EVL: variants seen among roughly 807,000 people sequenced by gnomAD.
The protein encoded by EVL is ena/VASP-like protein.
EVL carries 21 observed loss-of-function variants against 59.6 expected under a neutral mutation model. The ratio of observed to expected loss-of-function variants is 0.35; its 90% CI spans 0.25 to 0.51. The LOEUF (loss-of-function observed/expected upper bound fraction) is 0.51, where lower values mean the gene tolerates loss of function less well. Among genes scored for constraint, EVL ranks in the 20% least tolerant of loss-of-function variants. EVL has a pLI of 0.97. For synonymous variants in EVL, 198 were observed against 203.5 expected (o/e 0.97, Z 0.23); for missense variants, 462 against 546.6 (o/e 0.85, Z 1.54).
chr14:100,051,932 T>C (rs1407744649), intron 1 of EVL, among the ~76,000 whole-genome samples: 2 of 152,212 alleles, frequency 1.3e-5, no homozygotes, highest in African/African-American at 4.8e-5. Context: ...CCTTCCACAT[T>C]TTACGATCTT....
At chr14:100,065,343 T>G (rs559601400), upstream of EVL, 14 of 731,480 alleles carry the variant, frequency 1.9e-5, no homozygotes, top group East Asian at 3.4e-4. Context: ...TTGTTTCCCC[T>G]TTGTCTCTGG....
In EVL at chr14:100,141,736, G is replaced by A; in HGVS notation, c.1162G>A (p.Glu388Lys). ...DAFDLDRMKQ[E>K]ILEEVVRELH... ...CACCTGGACACTCCTCTCCCAACAGGAGATCCTAGAGGAGGTGGTGAGAGA... is the reference window on the plus strand; with the variant it reads ...CACCTGGACACTCCTCTCCCAACAGAAGATCCTAGAGGAGGTGGTGAGAGA... The change falls in exon 13 of 14, where the codon GAG becomes AAG. Residue 388 changes from glutamate (E) to lysine (K), a missense_variant and splice_region_variant. By Grantham distance (56) the Glu-to-Lys change is moderately conservative (BLOSUM62 1). Transcript: ENST00000392920. 1 of 1,613,430 alleles carries A rather than the reference G, an allele frequency of 6.2e-7. No homozygotes were observed. Among genetic ancestry groups the A allele is most frequent in the Non-Finnish European group, 8.5e-7 (1 of 1,179,850 alleles).
At chr14:100,013,384 G>T (rs952791793) in intron 1 of EVL, among the ~76,000 whole-genome samples, 2 of 152,232 alleles carry the variant, frequency 1.3e-5, no homozygotes, top group African/African-American at 4.8e-5. Flanking sequence ...ATTGATTGTG[G>T]TTAATGTGTG....
At chr14:100,040,331 C>T (rs552486041) in intron 1 of EVL, among the ~76,000 whole-genome samples, 217 of 152,324 alleles carry the variant, frequency 1.4e-3, no homozygotes, top group African/African-American at 4.8e-3. Context: ...CTCTTCCCCT[C>T]GCCCTGTATC....
At chr14:100,030,410 C>G (rs2061295901) in intron 1 of EVL, among the ~76,000 whole-genome samples, 1 of 152,112 alleles carries the variant, frequency 6.6e-6, no homozygotes, top group African/African-American at 2.4e-5. Context: ...CCGAGATTAC[C>G]TCTATAAAGC....
At chr14:100,066,384 A>G (rs925594050) in intron 1 of EVL, 1 of 152,236 alleles carries the variant, frequency 6.6e-6, no homozygotes, top group Non-Finnish European at 1.5e-5. Flanking sequence ...GGTTTGTCCA[A>G]GGTCACATGG....
intron 1 of EVL, among the ~76,000 whole-genome samples, chr14:100,072,883 C>T (rs2062077984): frequency 6.6e-6 from 1 of 152,188 alleles, no homozygotes; most frequent in South Asian, 2.1e-4. Flanking sequence ...GCAGAAGAGC[C>T]TTACTGCACG....
intron 2 of EVL, among the ~76,000 whole-genome samples, chr14:100,090,841 T>C (rs2062548584): frequency 6.6e-6 from 1 of 152,188 alleles, no homozygotes; most frequent in Non-Finnish European, 1.5e-5. Flanking sequence ...TATCCCACTT[T>C]CCACCTGAAT....
intron 1 of EVL, among the ~76,000 whole-genome samples, chr14:100,014,391 T>C (rs1013008533): frequency 1.3e-5 from 2 of 152,272 alleles, no homozygotes; most frequent in Non-Finnish European, 2.9e-5. Context: ...GAAGTTTGTC[T>C]TTCTGTGCTT....
intron 1 of EVL, among the ~76,000 whole-genome samples, chr14:100,024,764 T>A (rs926859132): frequency 6.6e-6 from 1 of 152,100 alleles, no homozygotes; most frequent in Non-Finnish European, 1.5e-5. Flanking sequence ...TCTGCTTGTT[T>A]GATGTCACTA....
At chr14:99,971,574 G>A (rs1215631901) in exon 1 of EVL, 1 of 151,688 alleles carries the variant, frequency 6.6e-6, no homozygotes, top group Non-Finnish European at 1.5e-5. Context: ...GAACAGCAAC[G>A]CGCGTACCCT....
rs185298156 is a variant in EVL at position 99,978,266 on chromosome 14, G to T, written c.5+6209G>T. On this transcript the variant is annotated intron_variant, in intron 1 of 13. Transcript: ENST00000402714. ...AAATACAAAAAATTAGCCGGGCATG[G>T]TGGCGGGTGCCTGTAGTCCCAGCTA... Among the ~76,000 whole-genome samples, 660 of 151,522 alleles carry T rather than the reference G, an allele frequency of 4.4e-3. 9 individuals carry two copies. Among genetic ancestry groups the T allele is most frequent in the African/African-American group, 0.015 (615 of 41,312 alleles).
At chr14:100,050,924 A>G (rs1298297155) in intron 1 of EVL, among the ~76,000 whole-genome samples, 5 of 150,730 alleles carry the variant, frequency 3.3e-5, no homozygotes, top group African/African-American at 1.2e-4. Context: ...AAAAAAAAAA[A>G]AATTAAGAGA....
At chr14:100,138,157 C>G (rs1202719919) in intron 11 of EVL, 1 of 372,980 alleles carries the variant, frequency 2.7e-6, no homozygotes, top group Non-Finnish European at 5.0e-6. Context: ...TCTGTTAACC[C>G]CTGCTGCACA....
intron 1 of EVL, among the ~76,000 whole-genome samples, chr14:100,060,343 A>G (rs1216964572): frequency 6.6e-6 from 1 of 150,876 alleles, no homozygotes; most frequent in Non-Finnish European, 1.5e-5. Flanking sequence ...AGGCAGGAGA[A>G]TGGCGTGAAC....
intron 1 of EVL, among the ~76,000 whole-genome samples, chr14:100,020,552 G>C (rs2061105693): frequency 6.6e-6 from 1 of 152,110 alleles, no homozygotes; most frequent in South Asian, 2.1e-4. Flanking sequence ...TTTTAGAACT[G>C]AGCATAAATT....
At chr14:100,014,957 C>G (rs1259186459) in intron 1 of EVL, among the ~76,000 whole-genome samples, 1 of 152,150 alleles carries the variant, frequency 6.6e-6, no homozygotes, top group African/African-American at 2.4e-5. Context: ...ATTTGTGGCT[C>G]CTTCTGTTTC....
chr14:100,022,434 C>T (rs1194983578), intron 1 of EVL, among the ~76,000 whole-genome samples: 13 of 152,068 alleles, frequency 8.5e-5, no homozygotes, highest in South Asian at 4.1e-4. Flanking sequence ...TGCACCACCA[C>T]GCCCAGATAA....
intron 1 of EVL, among the ~76,000 whole-genome samples, chr14:100,055,904 T>G (rs1479570285): frequency 6.6e-6 from 1 of 152,100 alleles, no homozygotes; most frequent in Non-Finnish European, 1.5e-5. Context: ...CTCTGCCTCC[T>G]GGGTTCAAGC....
Sources: allele counts gnomAD v4.1 joint callset (sites outside exome capture counted in the v4.1 genomes callset), GRCh38; gene constraint gnomAD v4.1.1; transcripts MANE v1.5; gene names NCBI Gene and HGNC (gene_info 2026-07-23, HGNC 2026-07-21).